The following ZFHX4 variants were observed in gnomAD, a reference collection of about 807,000 sequenced individuals.
ZFHX4 encodes zinc finger homeobox 4.
A neutral mutation model predicts 267.6 loss-of-function variants in ZFHX4; 56 were observed. The ratio of observed to expected loss-of-function variants is 0.21; its 90% CI spans 0.17 to 0.26. The LOEUF (loss-of-function observed/expected upper bound fraction) is 0.26, where lower values mean the gene tolerates loss of function less well. ZFHX4 is among the 10% of genes least tolerant of loss of function. ZFHX4 has a pLI of 1.00. For synonymous variants in ZFHX4, 1,778 were observed against 1,665.6 expected, an observed-to-expected ratio of 1.07 and a Z score of -1.64; for missense variants, 4,332 against 4,420.0, an observed-to-expected ratio of 0.98 and a Z score of 0.56.
At chr8:76,703,118 GA>G (rs1276789532) in intron 1 of ZFHX4, among the ~76,000 whole-genome samples, 4 of 152,060 alleles carry the variant, frequency 2.6e-5, no homozygotes, top group African/African-American at 4.8e-5. Flanking sequence ...TCTGGTCTAA[GA>G]CGCCTGCTTG....
chr8:76,783,181 A>T (rs1810597645), intron 4 of ZFHX4, among the ~76,000 whole-genome samples: 1 of 152,054 alleles, frequency 6.6e-6, no homozygotes, highest in South Asian at 2.1e-4. Flanking sequence ...ATTATTACTA[A>T]GAACATCACT....
rs185095158 is a variant in ZFHX4, at chr8:76,865,498, C to T, written c.*933C>T. On this transcript the variant is annotated 3_prime_UTR_variant, in exon 11 of 11. Transcript: ENST00000651372. ...AGACCATGTGAAATTTAATAAGATA[C>T]CTTTTTTTTCCTTTCTTTGTGTGTA... The T allele has an allele frequency of 3.3e-5, 5 of 152,438 alleles. No individual in the cohort carries two copies. The highest frequency in any genetic ancestry group is 5.9e-5 in the Non-Finnish European group (4 of 67,958). The allele number at this position is 152,438 out of a possible 1,614,324, so 9.4% of individuals were successfully genotyped here.
intron 3 of ZFHX4, among the ~76,000 whole-genome samples, chr8:76,769,615 G>A (rs1245303685): frequency 6.6e-6 from 1 of 152,078 alleles, no homozygotes; most frequent in African/African-American, 2.4e-5. Context: ...GCCTCCCAAA[G>A]TGCTAGGATC....
chr8:76,842,267 T>A (rs1585999989), intron 5 of ZFHX4, among the ~76,000 whole-genome samples: 1 of 152,248 alleles, frequency 6.6e-6, no homozygotes, highest in East Asian at 1.9e-4. Context: ...TTTCTAAGAA[T>A]CTGTTTTCTT....
Position 76,864,688 on chromosome 8 carries a change from A to C in ZFHX4, c.*123A>C. 1.5e-6 allele frequency: 1 copy of C among 684,758 alleles called. No individual in the cohort carries two copies. 42.4% of individuals were successfully genotyped at this position (684,758 alleles called of 1,614,324 possible). A position where few individuals can be genotyped will look rare whatever the true frequency, so the allele number is the denominator to read the frequency against. On this transcript the variant is annotated 3_prime_UTR_variant, in exon 11 of 11. Transcript: ENST00000651372. ...AATTACAGTACCAAATGATTGACTCAGGATTGTTTTTCCCATATTGATATG... is the reference window on the plus strand; with the variant it reads ...AATTACAGTACCAAATGATTGACTCCGGATTGTTTTTCCCATATTGATATG...
chr8:76,792,342 G>C (rs1810859433), intron 4 of ZFHX4, among the ~76,000 whole-genome samples: 1 of 152,108 alleles, frequency 6.6e-6, no homozygotes, highest in Non-Finnish European at 1.5e-5. Context: ...GAGCTGTGCA[G>C]GTGTCTATTA....
At chr8:76,696,257 G>C (rs1345084548) in intron 1 of ZFHX4, among the ~76,000 whole-genome samples, 1 of 152,092 alleles carries the variant, frequency 6.6e-6, no homozygotes, top group African/African-American at 2.4e-5. Flanking sequence ...GTAGATTTGA[G>C]ATAACATTAT....
chr8:76,746,618 C>A (rs768130472), intron 3 of ZFHX4, among the ~76,000 whole-genome samples: 3 of 151,948 alleles, frequency 2.0e-5, no homozygotes, highest in Non-Finnish European at 4.4e-5. Context: ...GTATTTTTTT[C>A]TCTGTTCAGA....
At chr8:76,834,434 G>A (rs1040184458) in intron 5 of ZFHX4, 4 of 202,182 alleles carry the variant, frequency 2.0e-5, no homozygotes, top group Admixed American at 1.6e-4. Flanking sequence ...CATTTTCATA[G>A]GTGTGTAGTT....
chr8:76,689,320 T>C (rs1456195463), intron 1 of ZFHX4, among the ~76,000 whole-genome samples: 1 of 152,134 alleles, frequency 6.6e-6, no homozygotes, highest in Non-Finnish European at 1.5e-5. Flanking sequence ...TGGAAGTGGA[T>C]CACACATGGG....
Position 76,852,962 on chromosome 8 carries a change from C to T in ZFHX4, c.6041C>T (p.Pro2014Leu), listed in dbSNP as rs1265755124. The T allele has an allele frequency of 8.9e-6, 14 of 1,567,030 alleles. No homozygotes were observed. Among genetic ancestry groups the T allele is most frequent in the Non-Finnish European group, 1.2e-5 (14 of 1,154,976 alleles). ...PPPPPPPPLP[P>L]APPQPSSMGP... ...CCACCTCCTCCTCCTCCCTTGCCTC[C>T]GGCTCCTCCACAGCCTTCTTCTATG... The change falls in exon 10 of 11, where the codon CCG (proline) becomes CTG (leucine). Residue 2014 changes from proline (P) to leucine (L), a missense_variant. Around this residue, in one of 7 missense-constraint regions of ZFHX4, gnomAD observed 1,371 missense variants for 1,423.1 expected, o/e 0.96. Transcript: ENST00000651372.
At chr8:76,744,999 T>C (rs1012199392) in intron 3 of ZFHX4, among the ~76,000 whole-genome samples, 1 of 152,218 alleles carries the variant, frequency 6.6e-6, no homozygotes, top group African/African-American at 2.4e-5. Context: ...TAGGAATTGC[T>C]GCTTTCTCCA....
At chr8:76,771,423 CTG>C (rs1459972389) in intron 3 of ZFHX4, among the ~76,000 whole-genome samples, 2 of 151,366 alleles carry the variant, frequency 1.3e-5, no homozygotes, top group East Asian at 3.9e-4. Context: ...TCTTTTTTTT[CTG>C]TTTTTGCTTT....
intron 1 of ZFHX4, among the ~76,000 whole-genome samples, chr8:76,682,352 C>T (rs1426491254): frequency 4.6e-5 from 7 of 152,116 alleles, no homozygotes; most frequent in South Asian, 2.1e-4. Context: ...GGCGGAGGCC[C>T]GGGGGTTCGT....
intron 3 of ZFHX4, among the ~76,000 whole-genome samples, chr8:76,756,153 C>T (rs1417558494): frequency 1.3e-5 from 2 of 152,162 alleles, no homozygotes; most frequent in African/African-American, 4.8e-5. Context: ...TCAAGGCCAT[C>T]ATGTAGGGAC....
intron 3 of ZFHX4, among the ~76,000 whole-genome samples, chr8:76,733,126 T>C (rs1281368101): frequency 1.3e-5 from 2 of 152,168 alleles, no homozygotes; most frequent in African/African-American, 4.8e-5. Context: ...CCAATGATTG[T>C]TCAGGGGTGG....
Position 76,852,696 on chromosome 8 carries a change from C to A in ZFHX4, c.5775C>A (p.Asn1925Lys). 6.2e-7 allele frequency: 1 copy of A among 1,613,770 alleles called. No individual in the cohort carries two copies. Among genetic ancestry groups the A allele is most frequent in the African/African-American group, 1.3e-5 (1 of 74,970 alleles). ...GTTTTGAACTGGTCATTCAGTATAACGAAAACAGGCAGAAGGTACAGAAGA... is the reference window on the plus strand; with the variant it reads ...GTTTTGAACTGGTCATTCAGTATAAAGAAAACAGGCAGAAGGTACAGAAGA... ...NFGFELVIQY[N>K]ENRQKVQKKG... is the part of the protein sequence containing the mutation. The change falls in exon 10 of 11, where the codon AAC (asparagine) becomes AAA (lysine). Residue 1925 changes from asparagine (N) to lysine (K), a missense_variant. Around this residue, in one of 7 missense-constraint regions of ZFHX4, gnomAD observed 1,371 missense variants for 1,423.1 expected, o/e 0.96. Coordinates refer to ENST00000651372, the MANE Select transcript of ZFHX4 (RefSeq NM_024721.5).
At chr8:76,758,648 C>A (rs1809828314) in intron 3 of ZFHX4, among the ~76,000 whole-genome samples, 1 of 152,134 alleles carries the variant, frequency 6.6e-6, no homozygotes, top group South Asian at 2.1e-4. Flanking sequence ...GTCTGTGCCA[C>A]AATGGCTGGC....
chr8:76,794,873 TTGTGTGTGTGTGTG>T (rs71277761), intron 4 of ZFHX4, among the ~76,000 whole-genome samples: 2 of 143,098 alleles, frequency 1.4e-5, no homozygotes, highest in African/African-American at 2.5e-5. Flanking sequence ...TGGCCTGTCA[TTGTGTGTGTGTGTG>T]TGTGTGTGTG....
Sources: gnomAD v4.1 joint callset for allele counts (sites outside exome capture counted in the v4.1 genomes callset) on GRCh38, gnomAD v4.1.1 for gene constraint, gnomAD v4.1.1 regional missense constraint, MANE v1.5 for transcripts, NCBI Gene and HGNC (gene_info 2026-07-23, HGNC 2026-07-21) for gene names.